NKAIN2: variants seen among roughly 807,000 people sequenced by gnomAD.
NKAIN2 encodes the protein sodium/potassium-transporting ATPase subunit beta-1-interacting protein 2.
Under a neutral mutation model 32.6 loss-of-function variants are expected in NKAIN2, and 14 were observed. That is an observed-to-expected ratio of 0.43 (90% CI 0.28 to 0.67). The LOEUF (loss-of-function observed/expected upper bound fraction) is 0.67, where lower values mean the gene tolerates loss of function less well. Among genes scored for constraint, NKAIN2 ranks in the 30% least tolerant of loss-of-function variants. NKAIN2 has a pLI of 0.17. For synonymous variants in NKAIN2, 80 were observed against 87.2 expected (o/e 0.92, Z 0.46); for missense variants, 198 against 258.3 (o/e 0.77, Z 1.60).
At chr6:124,596,084 T>C (rs2114970688) in intron 3 of NKAIN2, among the ~76,000 whole-genome samples, 1 of 152,260 alleles carries the variant, frequency 6.6e-6, no homozygotes, top group Admixed American at 6.5e-5. Context: ...CCCAACAGAA[T>C]TATTAAGAAT....
At chr6:124,279,068 T>C (rs1325531103) in intron 1 of NKAIN2, among the ~76,000 whole-genome samples, 1 of 152,184 alleles carries the variant, frequency 6.6e-6, no homozygotes, top group East Asian at 1.9e-4. Flanking sequence ...GAAAAATTTT[T>C]ACACATACAT....
At chr6:124,241,200 A>T (rs1485884149) in intron 1 of NKAIN2, among the ~76,000 whole-genome samples, 5 of 152,042 alleles carry the variant, frequency 3.3e-5, no homozygotes, top group African/African-American at 1.2e-4. Flanking sequence ...GTAAAGGACC[A>T]CTTCAAGGAG....
chr6:124,086,303 A>C (rs1045133508), intron 1 of NKAIN2, among the ~76,000 whole-genome samples: 1 of 151,980 alleles, frequency 6.6e-6, no homozygotes, highest in African/African-American at 2.4e-5. Flanking sequence ...AAACTATATA[A>C]ATTTCAGTAA....
intron 1 of NKAIN2, among the ~76,000 whole-genome samples, chr6:124,055,407 T>G (rs1185426097): frequency 6.6e-6 from 1 of 152,052 alleles, no homozygotes; most frequent in Non-Finnish European, 1.5e-5. Flanking sequence ...ACTGTTACTC[T>G]TAAAGATTGA....
chr6:124,484,007 A>C (rs1446715922), intron 3 of NKAIN2, among the ~76,000 whole-genome samples: 2 of 152,240 alleles, frequency 1.3e-5, no homozygotes, highest in African/African-American at 4.8e-5. Context: ...TCAGAAAGTC[A>C]GCAGAACTAT....
At chr6:124,034,151 T>C (rs234480) in intron 1 of NKAIN2, among the ~76,000 whole-genome samples, 91,288 of 151,744 alleles carry the variant, frequency 0.6, 28,151 homozygotes, top group African/African-American at 0.73. Context: ...ATTTTAGATT[T>C]AGGGGGTACA....
At chr6:124,776,397 T>C (rs1263851026) in intron 4 of NKAIN2, among the ~76,000 whole-genome samples, 1 of 152,116 alleles carries the variant, frequency 6.6e-6, no homozygotes, top group Non-Finnish European at 1.5e-5. Flanking sequence ...AGTGGATCAC[T>C]TCACCTCTCA....
intron 3 of NKAIN2, among the ~76,000 whole-genome samples, chr6:124,480,609 A>C (rs1777406148): frequency 6.6e-6 from 1 of 151,572 alleles, no homozygotes; most frequent in Admixed American, 6.6e-5. Flanking sequence ...TATTATTATT[A>C]TTATTATTAC....
chr6:124,033,503 T>A (rs550711255), intron 1 of NKAIN2, among the ~76,000 whole-genome samples: 1 of 152,248 alleles, frequency 6.6e-6, no homozygotes, highest in African/African-American at 2.4e-5. Context: ...CAGTTATAAA[T>A]GTACTTTCTA....
intron 1 of NKAIN2, among the ~76,000 whole-genome samples, chr6:123,858,059 A>G (rs2114971876): frequency 6.6e-6 from 1 of 152,312 alleles, no homozygotes; most frequent in East Asian, 1.9e-4. Flanking sequence ...CTGGGAAGAA[A>G]GGAATTTAAA....
intron 1 of NKAIN2, among the ~76,000 whole-genome samples, chr6:123,852,657 T>C (rs1337244541): frequency 1.3e-5 from 2 of 152,168 alleles, no homozygotes; most frequent in Admixed American, 1.3e-4. Context: ...TGGAAAATAC[T>C]ATTCAGCCTT....
intron 5 of NKAIN2, among the ~76,000 whole-genome samples, chr6:124,792,688 A>T (rs564390348): frequency 2.0e-5 from 3 of 152,146 alleles, no homozygotes; most frequent in Non-Finnish European, 4.4e-5. Context: ...TTGATCTAGA[A>T]AGATGAATAG....
chr6:124,312,947 C>G lies in NKAIN2; in HGVS notation c.192+29805C>G, dbSNP rs114786382. The stretch of plus-strand genomic sequence containing the variant: ...ATTAGAGTCACGCCTTGGGCAGGTG[C>G]AAGGAGGATGGGAGAAGATCAGAGA... On this transcript the variant is annotated intron_variant, in intron 2 of 6. Transcript: ENST00000368417. Among the ~76,000 whole-genome samples the G allele has an allele frequency of 6.3e-3, 954 of 152,048 alleles. 10 individuals carry two copies. The highest frequency in any genetic ancestry group is 0.022 in the African/African-American group (913 of 41,464).
In NKAIN2 at chr6:123,812,635, A is replaced by T. The variant is rs539184201; in HGVS notation, c.54+8381A>T. ...CCTTGGAGAGGGCATTTGCAGAAGC[A>T]CTTTCGTTTTAAGGCAGTGGATGAG... is the stretch of plus-strand genomic sequence containing the variant. On this transcript the variant is annotated intron_variant, in intron 1 of 6. Coordinates refer to ENST00000368417, the MANE Select transcript of NKAIN2 (RefSeq NM_001040214.3). Among the ~76,000 whole-genome samples, 4 of 152,338 alleles carry T rather than the reference A, an allele frequency of 2.6e-5. No homozygotes were observed. In the East Asian group the frequency reaches 7.7e-4, roughly 29 times the overall value.
At chr6:124,086,048 T>A (rs1784176811) in intron 1 of NKAIN2, among the ~76,000 whole-genome samples, 1 of 151,948 alleles carries the variant, frequency 6.6e-6, no homozygotes, top group Non-Finnish European at 1.5e-5. Flanking sequence ...GGATTTGCAT[T>A]ATTATAGGTC....
chr6:124,361,793 A>G (rs1799300591), intron 3 of NKAIN2, among the ~76,000 whole-genome samples: 1 of 152,080 alleles, frequency 6.6e-6, no homozygotes, highest in Non-Finnish European at 1.5e-5. Context: ...TATACTGTAG[A>G]CTATAGGGAA....
chr6:124,099,213 T>C lies in NKAIN2; in HGVS notation c.55-183792T>C, dbSNP rs1466998598. Among the ~76,000 whole-genome samples, 5 of 152,332 alleles carry C rather than the reference T, an allele frequency of 3.3e-5. No homozygotes were observed. In the East Asian group the frequency reaches 7.7e-4, roughly 23 times the overall value. On this transcript the variant is annotated intron_variant, in intron 1 of 6. Transcript: ENST00000368417. ...AAGATAATTGGTTGATTATCTAATA[T>C]ATGGCATGCCCTTTAGAGATGTTAT...
chr6:123,968,370 G>A (rs1324631801), intron 1 of NKAIN2, among the ~76,000 whole-genome samples: 1 of 152,170 alleles, frequency 6.6e-6, no homozygotes, highest in Non-Finnish European at 1.5e-5. Flanking sequence ...TGGGGCTGAA[G>A]AGGACAATTT....
At chr6:124,523,775 A>G (rs1779211198) in intron 3 of NKAIN2, among the ~76,000 whole-genome samples, 1 of 152,172 alleles carries the variant, frequency 6.6e-6, no homozygotes, top group African/African-American at 2.4e-5. Flanking sequence ...CTAAGGTTTT[A>G]AGCATGGACT....
Sources: gnomAD v4.1 joint callset for allele counts (sites outside exome capture counted in the v4.1 genomes callset) on GRCh38, gnomAD v4.1.1 for gene constraint, MANE v1.5 for transcripts, NCBI Gene and HGNC (gene_info 2026-07-23, HGNC 2026-07-21) for gene names.